The following MATR3 variants were observed in gnomAD, a reference collection of about 807,000 sequenced individuals.
MATR3 encodes matrin 3.
Under a neutral mutation model 85.5 loss-of-function variants are expected in MATR3, and 4 were observed. The ratio of observed to expected loss-of-function variants is 0.05; its 90% CI spans 0.02 to 0.11. MATR3 has a LOEUF of 0.11. Ranked by LOEUF, MATR3 falls within the 10% of genes least tolerant of loss-of-function variation. The pLI, the probability that MATR3 is intolerant of heterozygous loss-of-function variation, is 1.00. For synonymous variants in MATR3, 336 were observed against 343.1 expected (o/e 0.98, Z 0.23); for missense variants, 685 against 1,016.1 (o/e 0.67, Z 4.43).
At chr5:139,280,539 TTA>T (rs1474961079) in intron 3 of MATR3, 15 of 152,232 alleles carry the variant, frequency 9.9e-5, no homozygotes, top group African/African-American at 3.4e-4. Flanking sequence ...TGGGATTTGT[TTA>T]TGTGTTTTTT....
At chr5:139,315,390 G>A in intron 3 of MATR3, 1 of 321,640 alleles carries the variant, frequency 3.1e-6, no homozygotes, top group Non-Finnish European at 5.8e-6. Context: ...TTGTTTCTAT[G>A]TAACCCACAT....
At chr5:139,310,859 T>C (rs1447554494) in intron 2 of MATR3, 1 of 152,142 alleles carries the variant, frequency 6.6e-6, no homozygotes, top group Non-Finnish European at 1.5e-5. Context: ...ATGAGTGCAA[T>C]GGTGCGATCT....
chr5:139,274,553 T>TC, intron 1 of MATR3: 1 of 161,816 alleles, frequency 6.2e-6, no homozygotes. Context: ...CTACTCATTT[T>TC]CCTGTTCCTC....
chr5:139,293,731 G>C (rs1424673112), upstream of MATR3: 4 of 367,028 alleles, frequency 1.1e-5, no homozygotes, highest in Admixed American at 4.6e-5. Context: ...CGTTGCTGCG[G>C]GGGATTGTGG....
chr5:139,325,551 C>T lies in MATR3; in HGVS notation c.2260C>T (p.Pro754Ser), dbSNP rs1336859598. 3 of 1,614,086 alleles carry T rather than the reference C, an allele frequency of 1.9e-6. No homozygotes were observed. The highest frequency in any genetic ancestry group is 1.7e-5 in the Admixed American group (1 of 60,002). The part of the protein sequence containing the change: ...GAESSENADD[P>S]NKDTSENADG... ...TGAATCTTCTGAGAACGCTGATGAT[C>T]CCAACAAAGATACAAGTGAAAACGC... The change falls in exon 13 of 15, where the codon CCC (proline) becomes TCC (serine). Residue 754 changes from proline (P) to serine (S), a missense_variant. Pro to Ser is a moderately conservative substitution (Grantham distance 74). This residue lies in a region of MATR3 where 215 missense variants were observed against 194.7 expected (regional missense o/e 1.10). Transcript: ENST00000394805.
intron 4 of MATR3, 85 bp downstream of exon 4, chr5:139,315,823 G>A: frequency 8.6e-7 from 1 of 1,162,516 alleles, no homozygotes; most frequent in Non-Finnish European, 1.3e-6. Flanking sequence ...CATAAACAAA[G>A]TATTTTCAGA....
rs186499746 is a variant in MATR3 at position 139,327,069 on chromosome 5, T to C, written c.2493+785T>C. Among the ~76,000 whole-genome samples the C allele has an allele frequency of 1.2e-4, 19 of 152,336 alleles. No individual in the cohort carries two copies. In the East Asian group the frequency reaches 3.3e-3, roughly 26 times the overall value. ...CTAAAGAATAATTCCTATTGAGATATATTGAAATTTGTTTTTGTAATTATC... is the reference window on the plus strand; with the variant it reads ...CTAAAGAATAATTCCTATTGAGATACATTGAAATTTGTTTTTGTAATTATC... On this transcript the variant is annotated intron_variant, in intron 14 of 14. Transcript: ENST00000394805.
intron 9 of MATR3, 39 bp from the exon 10 acceptor site, chr5:139,321,859 A>T (rs1290474789): frequency 6.2e-7 from 1 of 1,603,756 alleles, no homozygotes. Context: ...ATTTTGTAAA[A>T]TATAATGTGC....
chr5:139,311,564 A>G (rs1270150702), intron 2 of MATR3: 1 of 152,020 alleles, frequency 6.6e-6, no homozygotes, highest in Non-Finnish European at 1.5e-5. Flanking sequence ...GAACCTTTAA[A>G]CAACGTGGAG....
intron 7 of MATR3, among the ~76,000 whole-genome samples, chr5:139,318,279 G>T (rs187734346): frequency 2.6e-3 from 394 of 152,152 alleles, no homozygotes; most frequent in Non-Finnish European, 4.2e-3. Context: ...GATTACAGCC[G>T]CCCACTATCA....
chr5:139,274,567 A>G (rs1753197593), intron 1 of MATR3: 1 of 160,438 alleles, frequency 6.2e-6, no homozygotes, highest in African/African-American at 2.4e-5. Context: ...GTTCCTCTAA[A>G]TTATTTGGAG....
At chr5:139,303,367 AG>A (rs1247502016) in intron 1 of MATR3, among the ~76,000 whole-genome samples, 1 of 152,116 alleles carries the variant, frequency 6.6e-6, no homozygotes, top group Admixed American at 6.6e-5. Flanking sequence ...CCCAAAGTGC[AG>A]GGATTACAGG....
At chr5:139,280,684 T>G (rs1753483374) in intron 3 of MATR3, 1 of 152,206 alleles carries the variant, frequency 6.6e-6, no homozygotes, top group Admixed American at 6.5e-5. Flanking sequence ...CCGAAATGGC[T>G]CCTAAGGAAA....
intron 10 of MATR3, 58 bp downstream of exon 10, chr5:139,322,087 C>T: frequency 6.4e-7 from 1 of 1,558,732 alleles, no homozygotes; most frequent in Non-Finnish European, 8.8e-7. Context: ...TTTAAAGCCA[C>T]AACATTCTTT....
chr5:139,307,686 A>G lies in MATR3; in HGVS notation c.271A>G (p.Ser91Gly). The change falls in exon 2 of 15, where the codon AGT (serine) becomes GGT (glycine). Residue 91 changes from serine (S) to glycine (G), a missense_variant. Physicochemically the swap from Ser to Gly is moderately conservative, Grantham distance 56. Coordinates refer to ENST00000394805, the MANE Select transcript of MATR3 (RefSeq NM_018834.6). The surrounding 1 kb of genome is among the most constrained non-coding windows in gnomAD (Gnocchi z 4.4). ...HNLQSIFNIGSRGPLPLSSQH... is the reference protein window; with the variant it reads ...HNLQSIFNIGGRGPLPLSSQH... ...TTTGCAGTCTATATTTAACATTGGA[A>G]GTAGAGGTCCACTCCCTTTATCTTC... The G allele has an allele frequency of 1.9e-6, 3 of 1,614,156 alleles. No homozygotes were observed. Among genetic ancestry groups the G allele is most frequent in the Non-Finnish European group, 2.5e-6 (3 of 1,180,016 alleles).
upstream of MATR3, among the ~76,000 whole-genome samples, chr5:139,289,528 A>C (rs1753807766): frequency 6.6e-6 from 1 of 152,226 alleles, no homozygotes; most frequent in Non-Finnish European, 1.5e-5. Context: ...TCACAGAGTA[A>C]ATTGATATTA....
chr5:139,297,231 T>A (rs1754203037), intron 1 of MATR3, among the ~76,000 whole-genome samples: 2 of 152,096 alleles, frequency 1.3e-5, no homozygotes, highest in Admixed American at 1.3e-4. Context: ...CAGTGCTAAG[T>A]TTGTTGGGAT....
chr5:139,293,952 G>GT, intron 1 of MATR3, 147 bp downstream of exon 1: 1 of 1,211,628 alleles, frequency 8.3e-7, no homozygotes, highest in Non-Finnish European at 1.0e-6. Flanking sequence ...TCCGCGTTGC[G>GT]TATGTGAGCC....
At position 139,331,233 on chromosome 5, in the gene MATR3, AT is replaced by A. The variant is rs1434231813; in HGVS notation, c.*1842del. ...CTCTCCCGTTGAAAAGTAGGTGATG[AT>A]TTTAATGTGACATGCACAAAAAATC... On this transcript the variant is annotated 3_prime_UTR_variant, in exon 15 of 15. Coordinates refer to ENST00000394805, the MANE Select transcript of MATR3 (RefSeq NM_018834.6). The A allele has an allele frequency of 4.4e-6, 2 of 454,146 alleles. No homozygotes were observed. Among genetic ancestry groups the A allele is most frequent in the Non-Finnish European group, 8.8e-6 (2 of 226,784 alleles). The allele number at this position is 454,146 out of a possible 1,614,324, so 28.1% of individuals were successfully genotyped here.
Sources: allele counts gnomAD v4.1 joint callset (sites outside exome capture counted in the v4.1 genomes callset), GRCh38; gene constraint gnomAD v4.1.1; regional missense constraint gnomAD v4.1.1; non-coding constraint Gnocchi (gnomAD v3.1); transcripts MANE v1.5; gene names NCBI Gene and HGNC (gene_info 2026-07-23, HGNC 2026-07-21).